The following RAF1 variants were observed in gnomAD, a reference collection of about 807,000 sequenced individuals.
RAF1 encodes Raf-1 proto-oncogene, serine/threonine kinase.
In RAF1, 27 loss-of-function variants were observed where a neutral mutation model predicts 81.1. The observed-to-expected ratio is 0.33, with a 90% confidence interval of 0.25 to 0.46. The LOEUF (loss-of-function observed/expected upper bound fraction) is 0.46. Among genes scored for constraint, RAF1 ranks in the 20% least tolerant of loss-of-function variants. The pLI, the probability that RAF1 is intolerant of heterozygous loss-of-function variation, is 1.00. For missense variants in RAF1, 598 were observed against 826.0 expected (o/e 0.72, Z 3.38); for synonymous variants, 298 against 294.0 (o/e 1.01, Z -0.14).
rs1221449536 is a variant in RAF1 at position 12,664,005 on chromosome 3, G to A, written c.-219C>T. The A allele has an allele frequency of 5.0e-6, 2 of 398,552 alleles. No homozygotes were observed. The highest frequency in any genetic ancestry group is 2.5e-4 in the South Asian group (2 of 7,866). The allele number at this position is 398,552 out of a possible 1,614,324, so 24.7% of individuals were successfully genotyped here. On this transcript the variant is annotated 5_prime_UTR_variant, in exon 1 of 18. Transcript: ENST00000442415. ...CCTCAGGGCACGCGCCCCAAAGCCC[G>A]GCCAGCTGACCCTTTTCGGGGCCCA...
chr3:12,614,961 A>G (rs1249577705), intron 2 of RAF1, among the ~76,000 whole-genome samples: 6 of 152,242 alleles, frequency 3.9e-5, no homozygotes, highest in Non-Finnish European at 8.8e-5. Context: ...CTGTTACATT[A>G]TCAGTCTTCA....
At chr3:12,600,841 C>T (rs1361370125) in intron 8 of RAF1, among the ~76,000 whole-genome samples, 5 of 152,206 alleles carry the variant, frequency 3.3e-5, no homozygotes, top group East Asian at 1.9e-4. Flanking sequence ...GGATTACAGG[C>T]GTGAGCCACC....
intron 5 of RAF1, chr3:12,608,423 G>A (rs1248961852): frequency 7.0e-6 from 2 of 286,642 alleles, no homozygotes; most frequent in South Asian, 4.1e-5. Context: ...ACAGAGCAGT[G>A]TCTACTAGCA....
intron 14 of RAF1, 189 bp downstream of exon 13, chr3:12,587,402 G>C (rs2058363249): frequency 1.5e-6 from 1 of 679,134 alleles, no homozygotes; most frequent in Non-Finnish European, 2.7e-6. Context: ...ATCAGTCCAG[G>C]TGAGGCATAA....
At chr3:12,599,083 C>G (rs1344887810) in intron 11 of RAF1, 1 of 152,842 alleles carries the variant, frequency 6.5e-6, no homozygotes, top group Non-Finnish European at 1.5e-5. Context: ...CCAAAATACA[C>G]AAGCTGTAAC....
chr3:12,623,398 T>G (rs2059605218), intron 1 of RAF1, among the ~76,000 whole-genome samples: 1 of 152,228 alleles, frequency 6.6e-6, no homozygotes, highest in Admixed American at 6.5e-5. Context: ...TAATAAAAAG[T>G]GACAAAATAA....
At position 12,623,716 on chromosome 3, in the gene RAF1, C is replaced by A. The variant is rs904264482; in HGVS notation, c.-26-4969G>T. ...GGCTGAGGCAGGAGAATGGCATGAA[C>A]CTGGGAGGCGGAGCTTGCAGTGAGC... On this transcript the variant is annotated intron_variant, in intron 1 of 17. Transcript: ENST00000442415. 2.2e-3 allele frequency among the ~76,000 whole-genome samples: 331 copies of A among 148,234 alleles called. 1 individual carries two copies. The highest frequency in any genetic ancestry group is 8.0e-3 in the African/African-American group (317 of 39,466).
chr3:12,602,199 T>C (rs1197487629), intron 8 of RAF1, among the ~76,000 whole-genome samples: 1 of 152,200 alleles, frequency 6.6e-6, no homozygotes, highest in Non-Finnish European at 1.5e-5. Flanking sequence ...CTATTGTTCC[T>C]GGAGTCTAAA....
chr3:12,642,698 A>ACACACC (rs1250688487), intron 1 of RAF1, among the ~76,000 whole-genome samples: 1 of 150,146 alleles, frequency 6.7e-6, no homozygotes, highest in Non-Finnish European at 1.5e-5. Flanking sequence ...ACACACACAC[A>ACACACC]CACACACACA....
rs1384087963 is a variant in RAF1 at position 12,664,093 on chromosome 3, G to C, written c.-307C>G. ...TTTTCCTCTTACTCCCGCCATCTAA[G>C]ATGGCGGCCCAAGCGCCCGCGATTA... On this transcript the variant is annotated 5_prime_UTR_variant, in exon 1 of 18. The change creates a new upstream start codon in the 5' untranslated region. Coordinates refer to ENST00000442415, the MANE Select transcript of RAF1 (RefSeq NM_001354689.3). 3 of 398,278 alleles carry C rather than the reference G, an allele frequency of 7.5e-6. No individual in the cohort carries two copies. Among genetic ancestry groups the C allele is most frequent in the African/African-American group, 4.1e-5 (2 of 48,640 alleles). 24.7% of individuals were successfully genotyped at this position (398,278 alleles called of 1,614,324 possible).
At chr3:12,658,281 G>A (rs1239199466) in intron 1 of RAF1, among the ~76,000 whole-genome samples, 1 of 152,130 alleles carries the variant, frequency 6.6e-6, no homozygotes, top group East Asian at 1.9e-4. Context: ...ATTAATAATG[G>A]AACAATTATA....
intron 1 of RAF1, among the ~76,000 whole-genome samples, chr3:12,621,070 T>G (rs1407374263): frequency 2.0e-5 from 3 of 152,180 alleles, no homozygotes; most frequent in African/African-American, 7.2e-5. Flanking sequence ...AAACTTGTTT[T>G]ATTATTAACA....
chr3:12,645,648 T>G (rs1036600842), intron 1 of RAF1, among the ~76,000 whole-genome samples: 1 of 152,224 alleles, frequency 6.6e-6, no homozygotes, highest in Non-Finnish European at 1.5e-5. Flanking sequence ...TTTTAGGCAC[T>G]GAACTCAGAA....
At chr3:12,616,749 T>C (rs1334845353) in intron 2 of RAF1, among the ~76,000 whole-genome samples, 1 of 152,122 alleles carries the variant, frequency 6.6e-6, no homozygotes, top group Non-Finnish European at 1.5e-5. Context: ...CACCTGACTA[T>C]ATGGAATAAA....
At chr3:12,587,837 C>CATTTTTTTT (rs1452419085) in intron 13 of RAF1, 200 bp from the exon 13 acceptor site, 9 of 194,700 alleles carry the variant, frequency 4.6e-5, no homozygotes, top group Non-Finnish European at 9.2e-5. Flanking sequence ...ATGCTTACAC[C>CATTTTTTTT]TTTTTTTTTT....
chr3:12,583,672 G>A lies in RAF1; in HGVS notation c.*842C>T, dbSNP rs1169713723. 8.6e-6 allele frequency: 2 copies of A among 233,182 alleles called. No individual in the cohort carries two copies. The highest frequency in any genetic ancestry group is 4.4e-5 in the African/African-American group (2 of 45,330). The allele number at this position is 233,182 out of a possible 1,614,324, so 14.4% of individuals were successfully genotyped here. A position where few individuals can be genotyped will look rare whatever the true frequency, so the allele number is the denominator to read the frequency against. On this transcript the variant is annotated 3_prime_UTR_variant, in exon 18 of 18. Transcript: ENST00000442415. ...ACCATCAGATAACTGTATTTTGTCA[G>A]GTGCAATAAAAACAAAATTAAAACC...
chr3:12,643,672 G>A (rs1009904760), intron 1 of RAF1, among the ~76,000 whole-genome samples: 1 of 151,688 alleles, frequency 6.6e-6, no homozygotes, highest in African/African-American at 2.4e-5. Flanking sequence ...GAAGGCAGAG[G>A]TTGCAGTGAG....
chr3:12,591,143 T>G (rs2058503604), intron 12 of RAF1, among the ~76,000 whole-genome samples, 169 bp from the exon 12 acceptor site: 1 of 151,972 alleles, frequency 6.6e-6, no homozygotes, highest in African/African-American at 2.4e-5. Flanking sequence ...CGGGTGGCAT[T>G]CTGAGCAAAG....
At position 12,585,797 on chromosome 3, in the gene RAF1, T is replaced by C. The variant is rs759107333; in HGVS notation, c.1480A>G (p.Ile494Val). 3 of 1,601,326 alleles carry C rather than the reference T, an allele frequency of 1.9e-6. No individual in the cohort carries two copies. The highest frequency in any genetic ancestry group is 1.7e-5 in the Admixed American group (1 of 59,974). Residue 494 changes from isoleucine to valine, a missense_variant and splice_region_variant, in exon 15 of 18, where the codon ATA (isoleucine) becomes GTA (valine). By Grantham distance (29) the Ile-to-Val change is conservative. Coordinates refer to ENST00000442415, the MANE Select transcript of RAF1 (RefSeq NM_001354689.3). Reference sequence around the variant, plus strand: ...ACTGTTAAGCCTTCATGGAGAAATATATCTCAATGCTTGTTAAGGACTCTG... The same window carrying C: ...ACTGTTAAGCCTTCATGGAGAAATACATCTCAATGCTTGTTAAGGACTCTG...
Sources: gnomAD v4.1 joint callset for allele counts (sites outside exome capture counted in the v4.1 genomes callset) on GRCh38, gnomAD v4.1.1 for gene constraint, MANE v1.5 for transcripts, NCBI Gene and HGNC (gene_info 2026-07-23, HGNC 2026-07-21) for gene names.